The following TCF20 variants were observed in gnomAD, a reference collection of about 807,000 sequenced individuals.
TCF20 encodes the protein transcription factor 20, also known as SPRE-binding protein.
In TCF20, 3 loss-of-function variants were observed where a neutral mutation model predicts 148.6. The observed-to-expected ratio is 0.02, with a 90% CI of 0.01 to 0.05. The LOEUF (loss-of-function observed/expected upper bound fraction) is 0.05, where lower values mean the gene tolerates loss of function less well. TCF20 is among the 10% of genes least tolerant of loss of function. The probability of loss-of-function intolerance (pLI) is 1.00; values close to 1 mark genes in which losing one functional copy is unlikely to be tolerated. For missense variants in TCF20, 2,350 were observed against 2,429.3 expected (o/e 0.97, Z 0.69); for synonymous variants, 1,049 against 909.5 (o/e 1.15, Z -2.76).
chr22:42,204,303 TG>T (rs781201405), intron 2 of TCF20, among the ~76,000 whole-genome samples: 1 of 152,160 alleles, frequency 6.6e-6, no homozygotes. Flanking sequence ...AAGGCCAGCT[TG>T]GCCAACATCC....
At chr22:42,205,663 G>A (rs1938335425) in intron 2 of TCF20, among the ~76,000 whole-genome samples, 1 of 152,218 alleles carries the variant, frequency 6.6e-6, no homozygotes, top group Non-Finnish European at 1.5e-5. Context: ...ATTTTAATTT[G>A]TCCTTGAGTG....
intron 3 of TCF20, 50 bp from the exon 4 acceptor site, chr22:42,169,946 G>GGTGT: frequency 6.3e-7 from 1 of 1,594,682 alleles, no homozygotes; most frequent in Non-Finnish European, 8.6e-7. Flanking sequence ...GCTGGACATA[G>GGTGT]GTGTGGTCAT....
chr22:42,240,026 A>G (rs1236078240), intron 1 of TCF20, among the ~76,000 whole-genome samples: 2 of 152,200 alleles, frequency 1.3e-5, no homozygotes, highest in Admixed American at 1.3e-4. Context: ...TGTATTTCCA[A>G]AGCTTCTAGG....
chr22:42,228,249 A>G (rs1024243997), intron 1 of TCF20, among the ~76,000 whole-genome samples: 5 of 152,066 alleles, frequency 3.3e-5, no homozygotes, highest in African/African-American at 1.2e-4. Context: ...GGAGGTAGTG[A>G]CACACAGTCA....
rs73886026 is a variant in TCF20 at position 42,299,339 on chromosome 22, C to G, written c.-37+44140G>C. ...AGCCCCTCTCCCCACATCCAGCCCC[C>G]TGCTCTGGCACTCTCTCCATCTGCC... On this transcript the variant is annotated intron_variant, in intron 1 of 1. Transcript: ENST00000515426. This position sits in a 1 kb window ranked among gnomAD's most constrained non-coding sequence, Gnocchi z 4.1. Among the ~76,000 whole-genome samples the G allele has an allele frequency of 0.07, 10,715 of 152,184 alleles. 474 individuals are homozygous for G. Among genetic ancestry groups the G allele is most frequent in the South Asian group, 0.13 (611 of 4,826 alleles).
chr22:42,310,205 A>T (rs1265187059), intron 1 of TCF20, among the ~76,000 whole-genome samples: 1 of 152,226 alleles, frequency 6.6e-6, no homozygotes, highest in Admixed American at 6.5e-5. Flanking sequence ...TGAGGAGTTT[A>T]CATTTCATCC....
rs1328904424 is a variant in TCF20, at chr22:42,297,941, T to TG, written c.-37+45537dup. Among the ~76,000 whole-genome samples the TG allele has an allele frequency of 1.3e-5, 2 of 152,250 alleles. No individual in the cohort carries two copies. The highest frequency in any genetic ancestry group is 2.9e-5 in the Non-Finnish European group (2 of 68,010). ...CATGTGCTGGTTTCAGGGCTGGGCC[T>TG]GGGGGTGCAAAGGTGACCGCTCAGC... On this transcript the variant is annotated intron_variant, in intron 1 of 1. Transcript: ENST00000515426. The surrounding 1 kb of genome is among the most constrained non-coding windows in gnomAD (Gnocchi z 4.3).
At chr22:42,325,924 C>T (rs1927867278) in intron 1 of TCF20, among the ~76,000 whole-genome samples, 1 of 152,170 alleles carries the variant, frequency 6.6e-6, no homozygotes, top group Non-Finnish European at 1.5e-5. Context: ...GCTATTATTG[C>T]CGTCCTCAGG....
At chr22:42,167,732 C>CT (rs548593517) in intron 5 of TCF20, among the ~76,000 whole-genome samples, 349 of 151,864 alleles carry the variant, frequency 2.3e-3, no homozygotes, top group African/African-American at 7.8e-3. Flanking sequence ...AATTTTTTTT[C>CT]TTTTTTTGAG....
intron 1 of TCF20, among the ~76,000 whole-genome samples, chr22:42,268,536 G>C (rs1926416705): frequency 6.6e-6 from 1 of 152,134 alleles, no homozygotes; most frequent in South Asian, 2.1e-4. Flanking sequence ...GAAACTGGCT[G>C]GAAATTTCAA....
intron 1 of TCF20, among the ~76,000 whole-genome samples, chr22:42,308,103 G>A (rs1187731193): frequency 1.3e-5 from 2 of 152,062 alleles, no homozygotes; most frequent in African/African-American, 2.4e-5. Flanking sequence ...TCGTTTTATC[G>A]TTAATTCAAT....
upstream of TCF20, among the ~76,000 whole-genome samples, chr22:42,272,070 GGCTGGCTCCA>G (rs1926641503): frequency 2.0e-5 from 3 of 152,178 alleles, no homozygotes; most frequent in Non-Finnish European, 4.4e-5. Context: ...ACAAAGTGGG[GGCTGGCTCCA>G]AAGCAGGTCA....
intron 1 of TCF20, among the ~76,000 whole-genome samples, chr22:42,242,898 A>C (rs1387894075): frequency 6.6e-6 from 1 of 152,048 alleles, no homozygotes; most frequent in Non-Finnish European, 1.5e-5. Context: ...AAAAAAGAAA[A>C]AAGACATGCA....
At chr22:42,217,422 T>C (rs993883592) in intron 1 of TCF20, among the ~76,000 whole-genome samples, 1 of 152,156 alleles carries the variant, frequency 6.6e-6, no homozygotes, top group African/African-American at 2.4e-5. Flanking sequence ...CTCCCTCCCC[T>C]GTTTTATCCC....
chr22:42,266,434 T>C (rs974634097), intron 1 of TCF20, among the ~76,000 whole-genome samples: 3 of 152,244 alleles, frequency 2.0e-5, no homozygotes, highest in Admixed American at 6.5e-5. Flanking sequence ...CAATTAAGTG[T>C]GATCATTTCA....
At chr22:42,296,800 C>A (rs1927245585) in intron 1 of TCF20, among the ~76,000 whole-genome samples, 1 of 152,218 alleles carries the variant, frequency 6.6e-6, no homozygotes, top group Non-Finnish European at 1.5e-5. Context: ...GCAGGGGGAC[C>A]CAGGAGGCCC....
rs527987810 is a variant in TCF20 at position 42,267,540 on chromosome 22, A to G, written c.-37+2799T>C. On this transcript the variant is annotated intron_variant, in intron 1 of 5. Coordinates refer to ENST00000677622, the MANE Select transcript of TCF20 (RefSeq NM_001378418.1). ...ATATGGTGAAATCCCATCTCTACTA[A>G]AAATACAAAAATTAGCTGGGCGTGG... Among the ~76,000 whole-genome samples the G allele has an allele frequency of 6.6e-5, 10 of 151,706 alleles. No homozygotes were observed. The East Asian group carries it at 1.8e-3, about 27-fold the overall frequency.
chr22:42,241,973 C>T (rs1363830829), intron 1 of TCF20, among the ~76,000 whole-genome samples: 1 of 151,870 alleles, frequency 6.6e-6, no homozygotes, highest in Non-Finnish European at 1.5e-5. Context: ...GAGGCTTAGG[C>T]GGGCAGATCA....
At position 42,213,906 on chromosome 22, in the gene TCF20, G is replaced by A; in HGVS notation, c.1400C>T (p.Pro467Leu). Residue 467 changes from proline (P) to leucine (L), a missense_variant, in exon 2 of 6, where the codon CCT (proline) becomes CTT (leucine). Around this residue, in one of 7 missense-constraint regions of TCF20, gnomAD observed 1,641 missense variants for 1,662.6 expected, o/e 0.99. Transcript: ENST00000677622. Reference protein sequence around the residue: ...SALSTQVANLPNTVQHMLLSD... With the variant: ...SALSTQVANLLNTVQHMLLSD... ...AAGTAACATGTGCTGGACAGTGTTAGGAAGATTGGCCACTTGAGTACTCAG... is the reference window on the plus strand; with the variant it reads ...AAGTAACATGTGCTGGACAGTGTTAAGAAGATTGGCCACTTGAGTACTCAG... 1 of 1,614,166 alleles carries A rather than the reference G, an allele frequency of 6.2e-7. No homozygotes were observed. The highest frequency in any genetic ancestry group is 8.5e-7 in the Non-Finnish European group (1 of 1,180,018).
Sources: gnomAD v4.1 joint callset for allele counts (sites outside exome capture counted in the v4.1 genomes callset) on GRCh38, gnomAD v4.1.1 for gene constraint, gnomAD v4.1.1 regional missense constraint, Gnocchi (gnomAD v3.1) non-coding constraint, MANE v1.5 for transcripts, NCBI Gene and HGNC (gene_info 2026-07-23, HGNC 2026-07-21) for gene names.